DOCK2: variants seen among roughly 807,000 people sequenced by gnomAD.
DOCK2 encodes dedicator of cytokinesis 2.
DOCK2 carries 87 observed loss-of-function variants against 248.9 expected under a neutral mutation model. That is an observed-to-expected ratio of 0.35 (90% CI 0.29 to 0.42). DOCK2 has a LOEUF of 0.42. Among genes scored for constraint, DOCK2 ranks in the 10% least tolerant of loss-of-function variants. The pLI, the probability that DOCK2 is intolerant of heterozygous loss-of-function variation, is 1.00. For synonymous variants in DOCK2, 805 were observed against 821.6 expected (o/e 0.98, Z 0.35); for missense variants, 1,747 against 2,300.2 (o/e 0.76, Z 4.92).
intron 26 of DOCK2, among the ~76,000 whole-genome samples, chr5:169,836,298 G>C (rs1433534236): frequency 6.6e-6 from 1 of 152,180 alleles, no homozygotes; most frequent in Admixed American, 6.6e-5. Flanking sequence ...CAGGCTTCTT[G>C]ATATTTTGTG....
intron 2 of DOCK2, among the ~76,000 whole-genome samples, chr5:169,657,450 G>A (rs1012835180): frequency 1.2e-4 from 18 of 152,190 alleles, no homozygotes; most frequent in Non-Finnish European, 2.9e-5. Flanking sequence ...ACTGAGAGGT[G>A]AATCACAATA....
intron 30 of DOCK2, among the ~76,000 whole-genome samples, chr5:169,999,787 T>G (rs2113801518): frequency 6.6e-6 from 1 of 152,302 alleles, no homozygotes; most frequent in South Asian, 2.1e-4. Context: ...ACGGGCTCAT[T>G]AATTATGCAT....
At chr5:169,698,616 C>T (rs1267317990) in intron 11 of DOCK2, among the ~76,000 whole-genome samples, 167 bp downstream of exon 11, 1 of 152,232 alleles carries the variant, frequency 6.6e-6, no homozygotes, top group Non-Finnish European at 1.5e-5. Context: ...GCACTCAAAA[C>T]CAAACAGCTC....
At chr5:169,655,304 G>A (rs2113186360) in intron 2 of DOCK2, among the ~76,000 whole-genome samples, 2 of 152,312 alleles carry the variant, frequency 1.3e-5, no homozygotes. Flanking sequence ...CACAGAGCCT[G>A]GGCTTCCTGT....
chr5:169,748,644 G>A (rs1443889482), intron 23 of DOCK2, among the ~76,000 whole-genome samples: 8 of 151,980 alleles, frequency 5.3e-5, no homozygotes, highest in Non-Finnish European at 2.9e-5. Flanking sequence ...ATGTGTATCT[G>A]TATTTCTTGA....
chr5:169,998,276 T>C (rs1265080913), intron 30 of DOCK2, among the ~76,000 whole-genome samples: 1 of 152,254 alleles, frequency 6.6e-6, no homozygotes, highest in Non-Finnish European at 1.5e-5. Flanking sequence ...CTCTATGCTC[T>C]GTACCTGGCA....
chr5:169,704,925 G>A (rs538787851), intron 14 of DOCK2, among the ~76,000 whole-genome samples: 89 of 152,258 alleles, frequency 5.8e-4, no homozygotes, highest in African/African-American at 2.0e-3. Context: ...ACTTTGGGAG[G>A]CCAAGGGGGG....
intron 25 of DOCK2, among the ~76,000 whole-genome samples, chr5:169,775,534 A>G (rs2113784115): frequency 6.6e-6 from 1 of 152,264 alleles, no homozygotes; most frequent in South Asian, 2.1e-4. Context: ...CCAGAATAGC[A>G]GTCTCTGGTG....
chr5:169,687,049 A>G (rs1760025716), intron 8 of DOCK2, among the ~76,000 whole-genome samples: 1 of 152,004 alleles, frequency 6.6e-6, no homozygotes, highest in Non-Finnish European at 1.5e-5. Flanking sequence ...AGCCCTCCAA[A>G]TTGTTTTCCT....
At chr5:169,935,351 G>A (rs879583155) in intron 27 of DOCK2, among the ~76,000 whole-genome samples, 1 of 151,640 alleles carries the variant, frequency 6.6e-6, no homozygotes, top group Non-Finnish European at 1.5e-5. Context: ...TCTCACTTGC[G>A]CCCTTCTGCT....
At chr5:170,003,696 A>AC in intron 30 of DOCK2, among the ~76,000 whole-genome samples, 1 of 152,332 alleles carries the variant, frequency 6.6e-6, no homozygotes, top group South Asian at 2.1e-4. Context: ...GTTGAAGGAG[A>AC]CAGCACTGGG....
At chr5:169,693,630 C>T (rs1205593666) in intron 9 of DOCK2, among the ~76,000 whole-genome samples, 2 of 151,972 alleles carry the variant, frequency 1.3e-5, no homozygotes, top group African/African-American at 2.4e-5. Context: ...CAAATGCCTG[C>T]AGAAGAAGGC....
intron 25 of DOCK2, among the ~76,000 whole-genome samples, chr5:169,775,592 AATTT>A (rs1765342991): frequency 1.3e-5 from 2 of 151,920 alleles, no homozygotes; most frequent in South Asian, 4.1e-4. Flanking sequence ...GGTTTTCATT[AATTT>A]ATTATAAATA....
At chr5:169,641,103 G>A (rs986286873) in intron 1 of DOCK2, among the ~76,000 whole-genome samples, 2 of 152,186 alleles carry the variant, frequency 1.3e-5, no homozygotes, top group African/African-American at 2.4e-5. Flanking sequence ...CTCATTGTGT[G>A]CGTGTCTGTC....
intron 19 of DOCK2, among the ~76,000 whole-genome samples, chr5:169,715,712 G>A (rs531838155): frequency 2.6e-5 from 4 of 151,456 alleles, no homozygotes; most frequent in African/African-American, 4.9e-5. Context: ...TAAACACCAT[G>A]TGTACTCACC....
intron 47 of DOCK2, among the ~76,000 whole-genome samples, chr5:170,076,848 G>C (rs1757856848): frequency 1.3e-5 from 2 of 152,118 alleles, no homozygotes; most frequent in South Asian, 4.1e-4. Flanking sequence ...TGAAGTCCCT[G>C]TAATGCAATT....
chr5:169,657,905 T>C (rs1758212072), intron 2 of DOCK2, among the ~76,000 whole-genome samples: 1 of 152,238 alleles, frequency 6.6e-6, no homozygotes, highest in Non-Finnish European at 1.5e-5. Flanking sequence ...AAGAATGTTA[T>C]TGTTGGGAAC....
intron 2 of DOCK2, among the ~76,000 whole-genome samples, chr5:169,659,010 T>C (rs1758294009): frequency 7.0e-6 from 1 of 143,332 alleles, no homozygotes; most frequent in South Asian, 2.2e-4. Flanking sequence ...TTATTATTAT[T>C]ATTATTATTA....
intron 26 of DOCK2, among the ~76,000 whole-genome samples, chr5:169,831,175 T>C (rs759362078): frequency 1.2e-4 from 18 of 151,300 alleles, no homozygotes; most frequent in Non-Finnish European, 2.2e-4. Context: ...TGGTTTGCCA[T>C]GCATTTTTTC....
Sources: gnomAD v4.1 joint callset for allele counts (sites outside exome capture counted in the v4.1 genomes callset) on GRCh38, gnomAD v4.1.1 for gene constraint, MANE v1.5 for transcripts, NCBI Gene and HGNC (gene_info 2026-07-23, HGNC 2026-07-21) for gene names.